NUP155: variants seen among roughly 807,000 people sequenced by gnomAD.
The protein encoded by NUP155 is nuclear pore complex protein Nup155.
In NUP155, 71 loss-of-function variants were observed where a neutral mutation model predicts 180.4. The ratio of observed to expected loss-of-function variants is 0.39; its 90% CI spans 0.33 to 0.48. The LOEUF is 0.48. Among genes scored for constraint, NUP155 ranks in the 20% least tolerant of loss-of-function variants. NUP155 has a pLI of 0.91. For missense variants in NUP155, 1,553 were observed against 1,648.9 expected, an observed-to-expected ratio of 0.94 and a Z score of 1.01; for synonymous variants, 582 against 559.5, an observed-to-expected ratio of 1.04 and a Z score of -0.57.
chr5:37,305,145 G>A lies in NUP155; in HGVS notation c.2969C>T (p.Pro990Leu). 2 of 1,613,882 alleles carry A rather than the reference G, an allele frequency of 1.2e-6. No individual in the cohort carries two copies. Among genetic ancestry groups the A allele is most frequent in the South Asian group, 1.1e-5 (1 of 91,070 alleles). Residue 990 changes from proline (P) to leucine (L), a missense_variant, in exon 26 of 35, where the codon CCT (proline) becomes CTT (leucine). Pro to Leu is a moderately conservative substitution (Grantham distance 98). Coordinates refer to ENST00000231498, the MANE Select transcript of NUP155 (RefSeq NM_153485.3). The part of the protein sequence containing the change: ...QELVNQSKAA[P>L]QSPSVPKKPG... ...TTTTTTGGGTACACTGGGAGACTGA[G>A]GAGCGGCCTTACTTTGATTTACCAG...
intron 4 of NUP155, 91 bp downstream of exon 4, chr5:37,357,990 C>G (rs1399735717): frequency 7.6e-6 from 7 of 920,922 alleles, no homozygotes; most frequent in East Asian, 2.5e-5. Context: ...GAGACTCCAT[C>G]TCGAAAAAAA....
intron 29 of NUP155, 32 bp from the exon 30 acceptor site, chr5:37,301,582 T>G: frequency 8.0e-7 from 1 of 1,256,280 alleles, no homozygotes; most frequent in South Asian, 1.2e-5. Context: ...ATGTCTTAAT[T>G]TATTTATGAT....
intron 20 of NUP155, among the ~76,000 whole-genome samples, chr5:37,323,186 G>A (rs903875690): frequency 1.3e-4 from 20 of 149,720 alleles, no homozygotes; most frequent in Non-Finnish European, 7.3e-5. Context: ...TTGGGAGGCT[G>A]AGGCAGGAGA....
chr5:37,337,745 T>C (rs1745430784), intron 12 of NUP155, 73 bp downstream of exon 12: 5 of 870,066 alleles, frequency 5.7e-6, no homozygotes, highest in South Asian at 1.4e-5. Flanking sequence ...CATCAGAAGA[T>C]AAAAGTTTCT....
At chr5:37,306,496 C>G (rs1408678496) in intron 25 of NUP155, among the ~76,000 whole-genome samples, 2 of 152,246 alleles carry the variant, frequency 1.3e-5, no homozygotes, top group East Asian at 3.9e-4. Context: ...GAGACGGAGC[C>G]CTGCTCTGAC....
chr5:37,357,094 G>A (rs760000466), intron 4 of NUP155, among the ~76,000 whole-genome samples: 1 of 149,694 alleles, frequency 6.7e-6, no homozygotes, highest in South Asian at 2.1e-4. Flanking sequence ...GCAACAGAGC[G>A]AGACTCTGTC....
At chr5:37,348,635 A>G (rs779490291) in intron 8 of NUP155, 39 bp from the exon 9 acceptor site, 1 of 1,086,878 alleles carries the variant, frequency 9.2e-7, no homozygotes, top group Non-Finnish European at 1.4e-6. Context: ...ACATGATTAT[A>G]TACTATACAC....
chr5:37,343,098 G>A (rs367674253), intron 9 of NUP155, among the ~76,000 whole-genome samples: 18 of 149,750 alleles, frequency 1.2e-4, no homozygotes, highest in South Asian at 1.1e-3. Context: ...TTTTTGAGAC[G>A]GAGTCTTGCT....
chr5:37,306,277 G>A (rs935858410), intron 25 of NUP155, among the ~76,000 whole-genome samples: 4 of 151,990 alleles, frequency 2.6e-5, no homozygotes, highest in African/African-American at 9.7e-5. Context: ...ACATGTGCCT[G>A]TAGTCCCAGC....
rs745428768 is a variant in NUP155, at chr5:37,292,920, T to A, written c.3996A>T (p.Ile1332=). Residue 1332 remains isoleucine, a synonymous_variant, in exon 34 of 35, where the codon ATA becomes ATT. Transcript: ENST00000231498. ...HLLDCIHVLL[I]RYVENPSQVL... ...CTTGGCTGGGATTCTCAACATATCT[T>A]ATCAATAATACATGTATACAATCCA... 1 of 1,612,444 alleles carries A rather than the reference T, an allele frequency of 6.2e-7. No homozygotes were observed. Among genetic ancestry groups the A allele is most frequent in the Non-Finnish European group, 8.5e-7 (1 of 1,178,816 alleles).
chr5:37,342,744 CTTTTTT>C (rs984976354), intron 9 of NUP155, 98 bp from the exon 10 acceptor site: 2 of 780,398 alleles, frequency 2.6e-6, no homozygotes, highest in African/African-American at 3.6e-5. Flanking sequence ...CCATATTTTC[CTTTTTT>C]TTTTGAGATG....
chr5:37,308,951 A>G (rs1295852069), intron 24 of NUP155, among the ~76,000 whole-genome samples, 178 bp downstream of exon 24: 1 of 151,798 alleles, frequency 6.6e-6, no homozygotes, highest in Non-Finnish European at 1.5e-5. Context: ...AGGTCAGTGT[A>G]GTCATCAAAT....
chr5:37,299,337 C>A, intron 31 of NUP155, 111 bp downstream of exon 31: 2 of 1,330,438 alleles, frequency 1.5e-6, no homozygotes, highest in South Asian at 2.4e-5. Context: ...TAGGTATACA[C>A]AATTTTCATG....
At chr5:37,317,007 C>CA (rs1263259747) in intron 21 of NUP155, among the ~76,000 whole-genome samples, 8,838 of 133,684 alleles carry the variant, frequency 0.066, 872 homozygotes, top group African/African-American at 0.22. Flanking sequence ...ACTAAAAATA[C>CA]AAAAAAAAAA....
At chr5:37,347,511 C>T (rs1468830535) in intron 9 of NUP155, among the ~76,000 whole-genome samples, 5 of 150,650 alleles carry the variant, frequency 3.3e-5, no homozygotes, top group Non-Finnish European at 7.4e-5. Context: ...GCCTGACCAA[C>T]ATGGAGAAAA....
chr5:37,364,882 C>T (rs887307868), intron 1 of NUP155, among the ~76,000 whole-genome samples: 1 of 151,758 alleles, frequency 6.6e-6, no homozygotes, highest in African/African-American at 2.4e-5. Flanking sequence ...ATGATCCGCC[C>T]GCCTCGGCCT....
intron 32 of NUP155, among the ~76,000 whole-genome samples, chr5:37,296,366 T>G (rs1409106322): frequency 6.6e-6 from 1 of 152,008 alleles, no homozygotes; most frequent in African/African-American, 2.4e-5. Flanking sequence ...CCTGTTGATC[T>G]GTGACCTTAC....
Position 37,326,332 on chromosome 5 carries a change from A to G in NUP155, c.2025-365T>C, listed in dbSNP as rs190100066. Among the ~76,000 whole-genome samples, 1,516 of 152,352 alleles carry G rather than the reference A, an allele frequency of 1.0e-2. 11 individuals carry two copies. Among genetic ancestry groups the G allele is most frequent in the Non-Finnish European group, 0.016 (1,067 of 68,030 alleles). ...ATTAGGCATGATAGCTAACTAAGATAACATGATAGACTGATTGCAAAAACA... is the reference window on the plus strand; with the variant it reads ...ATTAGGCATGATAGCTAACTAAGATGACATGATAGACTGATTGCAAAAACA... On this transcript the variant is annotated intron_variant, in intron 18 of 34. Coordinates refer to ENST00000231498, the MANE Select transcript of NUP155 (RefSeq NM_153485.3).
rs375529246 is a variant in NUP155, at chr5:37,352,702, T to C, written c.556+35A>G. On this transcript the variant is annotated intron_variant, in intron 5 of 34. Coordinates refer to ENST00000231498, the MANE Select transcript of NUP155 (RefSeq NM_153485.3). Reference sequence around the variant, plus strand: ...TAATATCAATTGGCCAAAATACTATTATTTTAAAAAACGTTAACATGTGGG... The same window carrying C: ...TAATATCAATTGGCCAAAATACTATCATTTTAAAAAACGTTAACATGTGGG... 1.2e-5 allele frequency: 17 copies of C among 1,413,336 alleles called. No individual in the cohort carries two copies. The African/African-American group carries it at 2.3e-4, about 19-fold the overall frequency. 87.5% of individuals were successfully genotyped at this position (1,413,336 alleles called of 1,614,324 possible). A position where few individuals can be genotyped will look rare whatever the true frequency, so the allele number is the denominator to read the frequency against.
Sources: gnomAD v4.1 joint callset for allele counts (sites outside exome capture counted in the v4.1 genomes callset) on GRCh38, gnomAD v4.1.1 for gene constraint, MANE v1.5 for transcripts, NCBI Gene and HGNC (gene_info 2026-07-23, HGNC 2026-07-21) for gene names.